AGO4: variants seen among roughly 807,000 people sequenced by gnomAD.
AGO4 encodes protein argonaute-4.
AGO4 carries 33 observed loss-of-function variants against 104.7 expected under a neutral mutation model. The observed-to-expected ratio is 0.32, with a 90% CI of 0.24 to 0.42. The LOEUF (loss-of-function observed/expected upper bound fraction) is 0.42. Ranked by LOEUF, AGO4 falls within the 10% of genes least tolerant of loss-of-function variation. The pLI is 1.00. For synonymous variants in AGO4, 331 were observed against 364.7 expected, an observed-to-expected ratio of 0.91 and a Z score of 1.05; for missense variants, 711 against 1,083.4, an observed-to-expected ratio of 0.66 and a Z score of 4.83.
At chr1:35,824,137 TTTA>T (rs907410707) in intron 3 of AGO4, among the ~76,000 whole-genome samples, 9 of 152,238 alleles carry the variant, frequency 5.9e-5, no homozygotes, top group Admixed American at 3.3e-4. Flanking sequence ...TTTTTAAACA[TTTA>T]TTTTTTTTAA....
intron 2 of AGO4, among the ~76,000 whole-genome samples, chr1:35,820,681 A>T (rs1200439042): frequency 6.6e-6 from 1 of 151,562 alleles, no homozygotes; most frequent in East Asian, 1.9e-4. Flanking sequence ...TTTTTTTTTT[A>T]GGATGAGAGA....
Position 35,819,732 on chromosome 1 carries a change from CAAAAA to C in AGO4, c.185+2699_185+2703del, listed in dbSNP as rs142782775. ...TATTCGACAGAGTGAGACTCTGTCTCAAAAAAAAAAAAAAAAAATAGCACCACTGC... is the reference window on the plus strand; with the variant it reads ...TATTCGACAGAGTGAGACTCTGTCTCAAAAAAAAAAAAATAGCACCACTGC... On this transcript the variant is annotated intron_variant, in intron 2 of 17. Coordinates refer to ENST00000373210, the MANE Select transcript of AGO4 (RefSeq NM_017629.4). Among the ~76,000 whole-genome samples, 48 of 107,354 alleles carry C rather than the reference CAAAAA, an allele frequency of 4.5e-4. 1 individual carries two copies. Among genetic ancestry groups the C allele is most frequent in the Non-Finnish European group, 3.5e-5 (2 of 56,768 alleles). The allele number at this position is 107,354 out of a possible 152,430, so 70.4% of individuals were successfully genotyped here.
intron 1 of AGO4, among the ~76,000 whole-genome samples, chr1:35,816,540 C>G (rs1643701356): frequency 6.6e-6 from 1 of 152,080 alleles, no homozygotes; most frequent in South Asian, 2.1e-4. Context: ...GTGGCTCACG[C>G]CTGTAATCCC....
At chr1:35,851,338 G>A (rs1013666284) in intron 17 of AGO4, 58 of 431,266 alleles carry the variant, frequency 1.3e-4, no homozygotes, top group Non-Finnish European at 3.0e-5. Flanking sequence ...GTCCTAAGTA[G>A]CCTCAAAAAG....
intron 15 of AGO4, among the ~76,000 whole-genome samples, chr1:35,845,958 C>G (rs1202292628): frequency 6.6e-6 from 1 of 152,142 alleles, no homozygotes; most frequent in Non-Finnish European, 1.5e-5. Context: ...AAAAAAGATA[C>G]ATGACAAGCC....
chr1:35,808,170 TGGCGGC>T lies in AGO4; in HGVS notation c.-226_-221del, dbSNP rs544199267. 57 of 158,004 alleles carry T rather than the reference TGGCGGC, an allele frequency of 3.6e-4. No homozygotes were observed. The highest frequency in any genetic ancestry group is 1.1e-3 in the African/African-American group (43 of 40,286). 9.8% of individuals were successfully genotyped at this position (158,004 alleles called of 1,614,324 possible). On this transcript the variant is annotated 5_prime_UTR_variant, in exon 1 of 18. Coordinates refer to ENST00000373210, the MANE Select transcript of AGO4 (RefSeq NM_017629.4). The surrounding 1 kb of genome is among the most constrained non-coding windows in gnomAD (Gnocchi z 5.2). ...CGCTGGCTCCCGCTCCCGCTCCCGT[TGGCGGC>T]GGCGGCGGCGGCGGCGGCGGGGATT...
Position 35,856,141 on chromosome 1 carries a change from T to C in AGO4, c.*2536T>C, listed in dbSNP as rs779537984. The C allele has an allele frequency of 3.3e-5, 5 of 152,134 alleles. No individual in the cohort carries two copies. The highest frequency in any genetic ancestry group is 7.3e-5 in the Non-Finnish European group (5 of 68,028). The allele number at this position is 152,134 out of a possible 1,614,324, so 9.4% of individuals were successfully genotyped here. ...AGAAAAGCCGGGAGGCCTATTTTTATAGGAAAATAGTACCATTAAAGGTGC... is the reference window on the plus strand; with the variant it reads ...AGAAAAGCCGGGAGGCCTATTTTTACAGGAAAATAGTACCATTAAAGGTGC... On this transcript the variant is annotated 3_prime_UTR_variant, in exon 18 of 18. Transcript: ENST00000373210.
At chr1:35,848,517 T>C (rs192865634) in intron 15 of AGO4, among the ~76,000 whole-genome samples, 1 of 152,276 alleles carries the variant, frequency 6.6e-6, no homozygotes, top group Admixed American at 6.5e-5. Flanking sequence ...ATCCCCAACA[T>C]CTGCTGCGGA....
chr1:35,817,740 G>A (rs562796684), intron 2 of AGO4, among the ~76,000 whole-genome samples: 1 of 152,232 alleles, frequency 6.6e-6, no homozygotes, highest in South Asian at 2.1e-4. Context: ...GCTCTTTGCT[G>A]TCAAGTTAAA....
intron 2 of AGO4, among the ~76,000 whole-genome samples, chr1:35,819,989 A>G (rs1018923872): frequency 6.6e-6 from 1 of 152,140 alleles, no homozygotes; most frequent in African/African-American, 2.4e-5. Flanking sequence ...AAGCACTCCA[A>G]TATTTAAAGA....
chr1:35,822,454 G>A (rs1437112084), intron 2 of AGO4, among the ~76,000 whole-genome samples: 4 of 151,354 alleles, frequency 2.6e-5, no homozygotes, highest in Admixed American at 2.0e-4. Context: ...GGGTTTCACT[G>A]TGTTGGTCAG....
At chr1:35,823,351 C>G (rs1023677243) in intron 3 of AGO4, among the ~76,000 whole-genome samples, 16 of 151,730 alleles carry the variant, frequency 1.1e-4, no homozygotes, top group Admixed American at 3.3e-4. Flanking sequence ...CTCCCAGATT[C>G]AAGTGATTCT....
Position 35,834,151 on chromosome 1 carries a change from T to C in AGO4, c.1541T>C (p.Leu514Pro), listed in dbSNP as rs745711132. ...GGCCTACAGCTAATAGTGGTTATCC[T>C]GCCTGGAAAGACACCAGTATATGGT... ...YVGLQLIVVI[L>P]PGKTPVYAEV... Residue 514 changes from leucine (L) to proline (P), a missense_variant, in exon 12 of 18, where the codon CTG (leucine) becomes CCG (proline). This residue lies in a region of AGO4 where 401 missense variants were observed against 665.5 expected (regional missense o/e 0.60). Coordinates refer to ENST00000373210, the MANE Select transcript of AGO4 (RefSeq NM_017629.4). 6.2e-7 allele frequency: 1 copy of C among 1,601,152 alleles called. No individual in the cohort carries two copies. The highest frequency in any genetic ancestry group is 2.3e-5 in the East Asian group (1 of 44,114).
chr1:35,818,195 C>T (rs1407279374), intron 2 of AGO4, among the ~76,000 whole-genome samples: 1 of 151,936 alleles, frequency 6.6e-6, no homozygotes, highest in Non-Finnish European at 1.5e-5. Context: ...TGTAGATATA[C>T]ACACACGTAT....
intron 15 of AGO4, among the ~76,000 whole-genome samples, chr1:35,849,630 T>G (rs1237125315): frequency 3.4e-5 from 5 of 146,578 alleles, no homozygotes; most frequent in Non-Finnish European, 6.0e-5. Context: ...AAGGTTGCAG[T>G]GAGCTGTGAT....
intron 2 of AGO4, among the ~76,000 whole-genome samples, chr1:35,818,646 AAAGAAAGAAAGAAAGG>A (rs1290275949): frequency 1.5e-5 from 1 of 65,682 alleles, no homozygotes; most frequent in Admixed American, 1.8e-4. Context: ...AGAAAGAAAG[AAAGAAAGAAAGAAAGG>A]AAGAAAGGAA....
intron 15 of AGO4, among the ~76,000 whole-genome samples, chr1:35,842,265 C>T (rs1644464231): frequency 6.6e-6 from 1 of 152,072 alleles, no homozygotes; most frequent in African/African-American, 2.4e-5. Flanking sequence ...AGCTCTGCCT[C>T]CTGTCAGATC....
Position 35,841,459 on chromosome 1 carries a change from A to G in AGO4, c.2019A>G (p.Val673=), listed in dbSNP as rs915951297. 1 of 1,612,884 alleles carries G rather than the reference A, an allele frequency of 6.2e-7. No individual in the cohort carries two copies. The highest frequency in any genetic ancestry group is 8.5e-7 in the Non-Finnish European group (1 of 1,178,884). ...PTRIIYYRGG[V]SEGQMKQVAW... is the part of the protein sequence containing the mutation. ...GGATCATCTATTACCGTGGAGGGGT[A>G]TCTGAGGGACAAATGAAACAGGTAC... Residue 673 remains valine, a synonymous_variant, in exon 14 of 18, where the codon GTA becomes GTG. Coordinates refer to ENST00000373210, the MANE Select transcript of AGO4 (RefSeq NM_017629.4). The surrounding 1 kb of genome is among the most constrained non-coding windows in gnomAD (Gnocchi z 4.7).
chr1:35,822,977 G>T lies in AGO4; in HGVS notation c.301G>T (p.Asp101Tyr). 3 of 1,613,848 alleles carry T rather than the reference G, an allele frequency of 1.9e-6. No individual in the cohort carries two copies. Among genetic ancestry groups the T allele is most frequent in the Non-Finnish European group, 2.5e-6 (3 of 1,179,846 alleles). ...AGCACATCCACTACCAATTGGACGG[G>T]ATAGGGTAAGTGTTAAGAGCAAGAA... The part of the protein sequence containing the change: ...YTAHPLPIGR[D>Y]RVDMEVTLPG... The change falls in exon 3 of 18, where the codon GAT (aspartate) becomes TAT (tyrosine). Residue 101 changes from aspartate (D) to tyrosine (Y), a missense_variant. Physicochemically the swap from Asp to Tyr is radical, Grantham distance 160. Around this residue, in one of 3 missense-constraint regions of AGO4, gnomAD observed 308 missense variants for 397.8 expected, o/e 0.77. Coordinates refer to ENST00000373210, the MANE Select transcript of AGO4 (RefSeq NM_017629.4).
Sources: allele counts gnomAD v4.1 joint callset (sites outside exome capture counted in the v4.1 genomes callset), GRCh38; gene constraint gnomAD v4.1.1; regional missense constraint gnomAD v4.1.1; non-coding constraint Gnocchi (gnomAD v3.1); transcripts MANE v1.5; gene names NCBI Gene and HGNC (gene_info 2026-07-23, HGNC 2026-07-21).